The following ATP2C2 variants were observed in gnomAD, a reference collection of about 807,000 sequenced individuals.
The protein encoded by ATP2C2 is calcium-transporting ATPase type 2C member 2.
A neutral mutation model predicts 110.8 loss-of-function variants in ATP2C2; 171 were observed. The ratio of observed to expected loss-of-function variants is 1.54; its 90% confidence interval spans 1.36 to 1.75. The LOEUF is 1.75. Among genes scored for constraint, ATP2C2 ranks in the 40% most tolerant of loss-of-function variants. ATP2C2 has a pLI of 0.00. For synonymous variants in ATP2C2, 804 were observed against 508.4 expected (o/e 1.58, Z -7.82); for missense variants, 1,963 against 1,235.0 (o/e 1.59, Z -8.84).
chr16:84,409,509 C>G (rs1239136511), intron 4 of ATP2C2, among the ~76,000 whole-genome samples: 1 of 152,054 alleles, frequency 6.6e-6, no homozygotes, highest in African/African-American at 2.4e-5. Context: ...CTCCTGAGCA[C>G]ATTTTTTTTT....
chr16:84,415,403 T>A, intron 6 of ATP2C2, 80 bp from the exon 7 acceptor site: 1 of 1,182,052 alleles, frequency 8.5e-7, no homozygotes, highest in South Asian at 1.2e-5. Flanking sequence ...GTGTTTCTAT[T>A]CTCCTTGTTC....
At chr16:84,409,863 A>C (rs563926269) in intron 4 of ATP2C2, among the ~76,000 whole-genome samples, 7 of 152,110 alleles carry the variant, frequency 4.6e-5, no homozygotes, top group African/African-American at 1.2e-4. Context: ...CCGGTATTTT[A>C]AAATACAAAC....
At position 84,368,652 on chromosome 16, in the gene ATP2C2, C is replaced by T. The variant is rs571442439; in HGVS notation, c.37C>T (p.Leu13Phe). Residue 13 changes from leucine to phenylalanine, a missense_variant, in exon 1 of 27, where the codon CTC (leucine) becomes TTC (phenylalanine). Leu to Phe is a conservative substitution (Grantham distance 22, BLOSUM62 0). Transcript: ENST00000262429. ...EGRVSEFLKK[L>F]GFSGGGRQYQ... Reference sequence around the variant, plus strand: ...ACGCGTCTCCGAGTTCCTGAAGAAACTCGGCTTCTCGGGCGGGGGCCGCCA... The same window carrying T: ...ACGCGTCTCCGAGTTCCTGAAGAAATTCGGCTTCTCGGGCGGGGGCCGCCA... 1,238 of 1,564,816 alleles carry T rather than the reference C, an allele frequency of 7.9e-4. 26 individuals carry two copies. In the South Asian group the frequency reaches 0.013, roughly 17 times the overall value.
rs183942106 is a variant in ATP2C2, at chr16:84,430,602, T to C, written c.986+4801T>C. Among the ~76,000 whole-genome samples the C allele has an allele frequency of 3.5e-5, 5 of 142,490 alleles. No homozygotes were observed. The Admixed American group carries it at 3.7e-4, about 11-fold the overall frequency. The allele number at this position is 142,490 out of a possible 152,430, so 93.5% of individuals were successfully genotyped here. A position where few individuals can be genotyped will look rare whatever the true frequency, so the allele number is the denominator to read the frequency against. On this transcript the variant is annotated intron_variant, in intron 11 of 26. Transcript: ENST00000262429. ...TTGTAGTGAGCTGAGATCACACTAC[T>C]GCCCTCCAGCCTGGGCAGCAGAGTG...
chr16:84,450,188 C>G (rs1021555445), intron 17 of ATP2C2, among the ~76,000 whole-genome samples: 4 of 152,220 alleles, frequency 2.6e-5, no homozygotes, highest in Non-Finnish European at 4.4e-5. Flanking sequence ...TACAAATGGA[C>G]TTGTCTTCCA....
chr16:84,443,494 C>A (rs1052644950), intron 15 of ATP2C2, among the ~76,000 whole-genome samples: 1 of 152,224 alleles, frequency 6.6e-6, no homozygotes, highest in East Asian at 1.9e-4. Flanking sequence ...CCAGCACGGA[C>A]CCCTCGCTGC....
At chr16:84,444,178 A>AC (rs1435970691) in intron 15 of ATP2C2, among the ~76,000 whole-genome samples, 4 of 116,190 alleles carry the variant, frequency 3.4e-5, no homozygotes, top group African/African-American at 5.9e-5. Flanking sequence ...AAAAAAAAAA[A>AC]AAAAAACAAA....
chr16:84,402,802 C>T (rs1056092383), intron 2 of ATP2C2, among the ~76,000 whole-genome samples: 1 of 152,036 alleles, frequency 6.6e-6, no homozygotes, highest in Non-Finnish European at 1.5e-5. Context: ...TAATACTGGC[C>T]TCGTAGAATG....
At chr16:84,448,319 C>T (rs918345178) in intron 16 of ATP2C2, among the ~76,000 whole-genome samples, 1 of 152,162 alleles carries the variant, frequency 6.6e-6, no homozygotes, top group Non-Finnish European at 1.5e-5. Context: ...GAAGATTGGC[C>T]TTGTTCTTTC....
At chr16:84,460,462 G>A (rs1911187326) in intron 23 of ATP2C2, 192 bp from the exon 24 acceptor site, 2 of 745,112 alleles carry the variant, frequency 2.7e-6, no homozygotes, top group Non-Finnish European at 4.6e-6. Flanking sequence ...GGGCACAGCT[G>A]CCCATGGACC....
At chr16:84,410,939 C>T (rs569962957) in intron 6 of ATP2C2, 174 bp downstream of exon 6, 49 of 652,766 alleles carry the variant, frequency 7.5e-5, no homozygotes, top group Non-Finnish European at 7.3e-5. Context: ...TGTGTGTCCT[C>T]GGGCATGTCA....
chr16:84,449,702 C>T (rs1010420278), intron 17 of ATP2C2, among the ~76,000 whole-genome samples: 1 of 152,226 alleles, frequency 6.6e-6, no homozygotes, highest in Non-Finnish European at 1.5e-5. Context: ...GCTGTGGCGT[C>T]CCTCCTGCAC....
intron 15 of ATP2C2, among the ~76,000 whole-genome samples, chr16:84,446,127 C>T (rs1158189530): frequency 6.6e-6 from 1 of 151,628 alleles, no homozygotes; most frequent in Non-Finnish European, 1.5e-5. Flanking sequence ...GTCTTGTCTG[C>T]CCTTCAGCCA....
chr16:84,371,620 C>T (rs1909958676), intron 1 of ATP2C2, among the ~76,000 whole-genome samples: 1 of 152,206 alleles, frequency 6.6e-6, no homozygotes, highest in South Asian at 2.1e-4. Flanking sequence ...GCAGAAATTC[C>T]TGCTTCCCAG....
chr16:84,388,933 G>C (rs202022486), intron 1 of ATP2C2, among the ~76,000 whole-genome samples: 1 of 152,030 alleles, frequency 6.6e-6, no homozygotes, highest in African/African-American at 2.4e-5. Flanking sequence ...CACCATGCTC[G>C]GCTAATTTTT....
intron 23 of ATP2C2, chr16:84,460,316 A>AGCCT: frequency 2.7e-6 from 1 of 373,560 alleles, no homozygotes; most frequent in South Asian, 2.5e-5. Context: ...CGGAGGGCGG[A>AGCCT]GCCTGGAGCC....
At chr16:84,405,879 C>G (rs374639507) in intron 3 of ATP2C2, among the ~76,000 whole-genome samples, 8 of 152,176 alleles carry the variant, frequency 5.3e-5, no homozygotes, top group Non-Finnish European at 1.2e-4. Flanking sequence ...GAGATTGTGC[C>G]ACTGTGCTCC....
chr16:84,379,937 G>T (rs1182270127), intron 1 of ATP2C2, among the ~76,000 whole-genome samples: 3 of 152,180 alleles, frequency 2.0e-5, no homozygotes, highest in African/African-American at 7.2e-5. Context: ...GAATGCTACT[G>T]TTAAAGTCCA....
chr16:84,459,377 C>A lies in ATP2C2; in HGVS notation c.2324C>A (p.Pro775Gln), dbSNP rs149293999. ...LWINIIMDGP[P>Q]AQSLGVEPVD... ...ATCAACATCATCATGGATGGGCCAC[C>A]GGCGCAGAGGTGAGGCAGGGCCGGC... is the stretch of plus-strand genomic sequence containing the variant. The change falls in exon 23 of 27, where the codon CCG (proline) becomes CAG (glutamine). Residue 775 changes from proline (P) to glutamine (Q), a missense_variant. By Grantham distance (76) the Pro-to-Gln change is moderately conservative. Transcript: ENST00000262429. The A allele has an allele frequency of 3.2e-4, 517 of 1,614,060 alleles. 1 individual carries two copies. The African/African-American group carries it at 5.8e-3, about 18-fold the overall frequency.
Sources: allele counts gnomAD v4.1 joint callset (sites outside exome capture counted in the v4.1 genomes callset), GRCh38; gene constraint gnomAD v4.1.1; transcripts MANE v1.5; gene names NCBI Gene and HGNC (gene_info 2026-07-23, HGNC 2026-07-21).